NEXN: variants seen among roughly 807,000 people sequenced by gnomAD.
The protein encoded by NEXN is nexilin F-actin binding protein.
In NEXN, 65 loss-of-function variants were observed where a neutral mutation model predicts 92.6. The observed-to-expected ratio is 0.70, with a 90% CI of 0.57 to 0.86. NEXN has a LOEUF of 0.86. NEXN is among the 40% of genes least tolerant of loss of function. The pLI is 0.00. For missense variants in NEXN, 778 were observed against 771.1 expected (o/e 1.01, Z -0.11); for synonymous variants, 254 against 242.5 (o/e 1.05, Z -0.44).
chr1:77,925,411 T>C (rs1649766284), intron 6 of NEXN, among the ~76,000 whole-genome samples, 182 bp downstream of exon 6: 1 of 152,216 alleles, frequency 6.6e-6, no homozygotes, highest in Non-Finnish European at 1.5e-5. Flanking sequence ...TATAGCTTAG[T>C]GTTTTTAAAG....
At chr1:77,915,501 C>T (rs1053007642) in intron 1 of NEXN, among the ~76,000 whole-genome samples, 26 of 150,978 alleles carry the variant, frequency 1.7e-4, no homozygotes, top group African/African-American at 4.9e-4. Context: ...TGGCGGCACA[C>T]GCCTGTAGTC....
At chr1:77,891,696 AC>A (rs917976576) in intron 1 of NEXN, among the ~76,000 whole-genome samples, 92 of 150,474 alleles carry the variant, frequency 6.1e-4, no homozygotes, top group Non-Finnish European at 2.1e-4. Flanking sequence ...CAAAAAGTCG[AC>A]AGTCAAAAAG....
At chr1:77,906,482 G>A (rs1471207719) in intron 1 of NEXN, among the ~76,000 whole-genome samples, 1 of 151,886 alleles carries the variant, frequency 6.6e-6, no homozygotes, top group Non-Finnish European at 1.5e-5. Context: ...TAAATACAAA[G>A]GTTATTAAGC....
At chr1:77,925,257 AT>A in intron 6 of NEXN, 28 bp downstream of exon 6, 1 of 1,519,332 alleles carries the variant, frequency 6.6e-7, no homozygotes, top group South Asian at 1.1e-5. Context: ...TTAATGAAAC[AT>A]TCACCTAAAA....
intron 11 of NEXN, among the ~76,000 whole-genome samples, chr1:77,939,613 C>T (rs1651084701): frequency 6.6e-6 from 1 of 152,122 alleles, no homozygotes; most frequent in African/African-American, 2.4e-5. Flanking sequence ...TAGGTGACTT[C>T]TTGTTTTTGC....
chr1:77,932,715 G>T (rs1309217662), intron 9 of NEXN, among the ~76,000 whole-genome samples: 1 of 152,158 alleles, frequency 6.6e-6, no homozygotes. Flanking sequence ...CACTGTAATG[G>T]AGAATAGATG....
chr1:77,936,076 G>T (rs1650738359), intron 11 of NEXN, 32 bp downstream of exon 11: 2 of 1,432,510 alleles, frequency 1.4e-6, no homozygotes, highest in Admixed American at 1.8e-5. Context: ...CATAGTTATG[G>T]TACAGTAATG....
In NEXN at chr1:77,943,077, ACTT is replaced by A; in HGVS notation, c.*252_*254del. 2.1e-6 allele frequency: 1 copy of A among 485,612 alleles called. No individual in the cohort carries two copies. The highest frequency in any genetic ancestry group is 3.8e-6 in the Non-Finnish European group (1 of 260,838). The allele number at this position is 485,612 out of a possible 1,614,324, so 30.1% of individuals were successfully genotyped here. ...AGCACAGCTCATCTAAAGAATGCCTACTTCTTTTCCAAATAAGCATCAGATTTA... is the reference window on the plus strand; with the variant it reads ...AGCACAGCTCATCTAAAGAATGCCTACTTTTCCAAATAAGCATCAGATTTA... On this transcript the variant is annotated 3_prime_UTR_variant, in exon 13 of 13. Coordinates refer to ENST00000334785, the MANE Select transcript of NEXN (RefSeq NM_144573.4).
At chr1:77,941,777 GA>G (rs1406009241) in intron 11 of NEXN, 1 of 490,828 alleles carries the variant, frequency 2.0e-6, no homozygotes, top group Non-Finnish European at 3.7e-6. Flanking sequence ...AACAGGCTAG[GA>G]TCCCAGTGAT....
Position 77,925,207 on chromosome 1 carries a change from C to T in NEXN, c.467C>T (p.Thr156Met), listed in dbSNP as rs530346055. ...RAEQIEDINN[T>M]GTESASEEGD... ...CAATAGATTGAGGACATAAACAATA[C>T]GGGAACTGAATCAGCATCAGAGGTA... is the stretch of plus-strand genomic sequence containing the variant. The change falls in exon 6 of 13, where the codon ACG (threonine) becomes ATG (methionine). Residue 156 changes from threonine (T) to methionine (M), a missense_variant. Thr to Met is a moderately conservative substitution (Grantham distance 81). Transcript: ENST00000334785. 9.4e-6 allele frequency: 15 copies of T among 1,596,488 alleles called. No homozygotes were observed. Among genetic ancestry groups the T allele is most frequent in the African/African-American group, 5.4e-5 (4 of 74,666 alleles).
intron 1 of NEXN, among the ~76,000 whole-genome samples, chr1:77,906,896 TC>T (rs1306629269): frequency 6.6e-6 from 1 of 152,000 alleles, no homozygotes; most frequent in Non-Finnish European, 1.5e-5. Flanking sequence ...CTCAAGTGAT[TC>T]CCCTGCCTCA....
At chr1:77,897,911 T>C (rs1250681472) in intron 1 of NEXN, among the ~76,000 whole-genome samples, 1 of 152,024 alleles carries the variant, frequency 6.6e-6, no homozygotes, top group African/African-American at 2.4e-5. Flanking sequence ...CCATTCACAA[T>C]TGCTTCAAAG....
At chr1:77,900,978 G>A (rs950689581) in intron 1 of NEXN, among the ~76,000 whole-genome samples, 3 of 152,172 alleles carry the variant, frequency 2.0e-5, no homozygotes, top group Admixed American at 6.6e-5. Context: ...CAGATACAAA[G>A]TCTCTTGGCA....
In NEXN at chr1:77,903,858, G is replaced by A. The variant is rs367741085; in HGVS notation, c.-52-12197G>A. Among the ~76,000 whole-genome samples the A allele has an allele frequency of 1.8e-4, 28 of 152,270 alleles. No homozygotes were observed. The South Asian group carries it at 5.8e-3, about 32-fold the overall frequency. ...GAGGATTGCTTGAGCCCAGGAGGTC[G>A]AAGCTACTGTGAGCTGTGATTGCAC... On this transcript the variant is annotated intron_variant, in intron 1 of 12. Transcript: ENST00000334785.
chr1:77,933,756 T>C (rs952250557), intron 10 of NEXN, among the ~76,000 whole-genome samples: 5 of 152,168 alleles, frequency 3.3e-5, no homozygotes, highest in Admixed American at 2.6e-4. Flanking sequence ...TATGCATATA[T>C]TCAATACATA....
intron 11 of NEXN, among the ~76,000 whole-genome samples, chr1:77,938,939 T>C (rs1354109983): frequency 6.6e-6 from 1 of 152,200 alleles, no homozygotes; most frequent in Non-Finnish European, 1.5e-5. Flanking sequence ...TTAATGAAAG[T>C]CTTTTTAAAC....
At chr1:77,928,522 G>A (rs1340634849) in intron 8 of NEXN, among the ~76,000 whole-genome samples, 2 of 151,596 alleles carry the variant, frequency 1.3e-5, no homozygotes, top group African/African-American at 4.8e-5. Context: ...TAAAGAAATA[G>A]TATTGTTAAA....
intron 1 of NEXN, among the ~76,000 whole-genome samples, chr1:77,915,042 A>C (rs1648859569): frequency 6.6e-6 from 1 of 151,984 alleles, no homozygotes; most frequent in Admixed American, 6.6e-5. Flanking sequence ...GGCCAGATGC[A>C]GTGGCTCACG....
At chr1:77,918,356 T>C in intron 5 of NEXN, 83 bp downstream of exon 5, 2 of 1,417,632 alleles carry the variant, frequency 1.4e-6, no homozygotes, top group South Asian at 1.2e-5. Flanking sequence ...CTAATTAAAA[T>C]ATTTTAATGT....
Sources: allele counts gnomAD v4.1 joint callset (sites outside exome capture counted in the v4.1 genomes callset), GRCh38; gene constraint gnomAD v4.1.1; transcripts MANE v1.5; gene names NCBI Gene and HGNC (gene_info 2026-07-23, HGNC 2026-07-21).